PRKAR2A: variants seen among roughly 807,000 people sequenced by gnomAD.
PRKAR2A encodes protein kinase cAMP-dependent type II regulatory subunit alpha.
A neutral mutation model predicts 51.9 loss-of-function variants in PRKAR2A; 29 were observed. That is an observed-to-expected ratio of 0.56 (90% confidence interval 0.42 to 0.76). The LOEUF (loss-of-function observed/expected upper bound fraction) is 0.76. Among genes scored for constraint, PRKAR2A ranks in the 30% least tolerant of loss-of-function variants. The pLI, the probability that PRKAR2A is intolerant of heterozygous loss-of-function variation, is 0.00. For synonymous variants in PRKAR2A, 178 were observed against 186.2 expected (o/e 0.96, Z 0.36); for missense variants, 445 against 512.1 (o/e 0.87, Z 1.26).
intron 1 of PRKAR2A, among the ~76,000 whole-genome samples, chr3:48,817,598 G>T (rs551367181): frequency 1.4e-4 from 21 of 151,264 alleles, no homozygotes; most frequent in Non-Finnish European, 2.9e-4. Context: ...AGTGAGCCAA[G>T]GTCGCACCAT....
In PRKAR2A at chr3:48,790,572, T is replaced by C. The variant is rs779101322; in HGVS notation, c.407A>G (p.Asp136Gly). 5 of 1,548,464 alleles carry C rather than the reference T, an allele frequency of 3.2e-6. No individual in the cohort carries two copies. Among genetic ancestry groups the C allele is most frequent in the Non-Finnish European group, 4.3e-6 (5 of 1,150,374 alleles). The change falls in exon 4 of 11, where the codon GAT (aspartate) becomes GGT (glycine). Residue 136 changes from aspartate (D) to glycine (G), a missense_variant. Physicochemically the swap from Asp to Gly is moderately conservative, Grantham distance 94. Coordinates refer to ENST00000265563, the MANE Select transcript of PRKAR2A (RefSeq NM_004157.4). ...QRCRLQEACKDILLFKNLDQE... is the reference protein window; with the variant it reads ...QRCRLQEACKGILLFKNLDQE... ...ATCAAGATTTTTGAAAAGGAGAATA[T>C]CTTTGCAAGCTTCCTGAAGTCTGCA...
chr3:48,772,944 CTCTCACTCACCAG>C lies in PRKAR2A; in HGVS notation c.694_696+10del. 6.2e-7 allele frequency: 1 copy of C among 1,607,194 alleles called. No homozygotes were observed. Among genetic ancestry groups the C allele is most frequent in the Non-Finnish European group, 8.5e-7 (1 of 1,176,476 alleles). On this transcript the variant is annotated splice_donor_variant and splice_donor_5th_base_variant and coding_sequence_variant and intron_variant, in exon 6 of 11. Transcript: ENST00000265563. LOFTEE classifies it high-confidence loss of function. ...CTGTGCCTTGCAAGGGGAACGATTT[CTCTCACTCACCAG>C]TCCCCAAAGGGAGCCTTCTGAGGTA...
At chr3:48,834,231 A>C (rs9755490) in intron 1 of PRKAR2A, among the ~76,000 whole-genome samples, 102,297 of 151,410 alleles carry the variant, frequency 0.68, 35,106 homozygotes, top group East Asian at 0.96. Context: ...TACGGAGCAG[A>C]AATCCCATAT....
At chr3:48,787,034 CAAGTA>C in intron 4 of PRKAR2A, among the ~76,000 whole-genome samples, 1 of 152,064 alleles carries the variant, frequency 6.6e-6, no homozygotes, top group Non-Finnish European at 1.5e-5. Context: ...TTATGAAAGA[CAAGTA>C]AAGACTGAAA....
chr3:48,782,105 A>T (rs1022965667), intron 5 of PRKAR2A, among the ~76,000 whole-genome samples: 1 of 152,068 alleles, frequency 6.6e-6, no homozygotes, highest in African/African-American at 2.4e-5. Context: ...TTGGTGTTAA[A>T]CTCTAGTGAG....
chr3:48,775,296 G>A (rs1278511840), intron 5 of PRKAR2A, among the ~76,000 whole-genome samples: 1 of 151,648 alleles, frequency 6.6e-6, no homozygotes, highest in African/African-American at 2.4e-5. Context: ...AAAATTAGCT[G>A]GGCGGGTAGC....
chr3:48,770,203 A>T (rs1466134290), intron 6 of PRKAR2A, among the ~76,000 whole-genome samples: 1 of 152,186 alleles, frequency 6.6e-6, no homozygotes, highest in African/African-American at 2.4e-5. Flanking sequence ...TTTGATGAGC[A>T]TCCAATCGAG....
intron 1 of PRKAR2A, among the ~76,000 whole-genome samples, chr3:48,818,798 A>G (rs574097993): frequency 9.2e-5 from 14 of 152,258 alleles, no homozygotes; most frequent in Admixed American, 5.9e-4. Flanking sequence ...TCACAAATTC[A>G]ATAAGGGTAG....
At chr3:48,813,905 C>T (rs1293877670) in intron 1 of PRKAR2A, among the ~76,000 whole-genome samples, 2 of 151,972 alleles carry the variant, frequency 1.3e-5, no homozygotes, top group Admixed American at 1.3e-4. Flanking sequence ...GGGTGGATCA[C>T]CTGAGGTCAG....
At chr3:48,819,961 AAC>A (rs1242445248) in intron 1 of PRKAR2A, among the ~76,000 whole-genome samples, 1 of 152,194 alleles carries the variant, frequency 6.6e-6, no homozygotes, top group Non-Finnish European at 1.5e-5. Flanking sequence ...CTTCACTCCC[AAC>A]TCTGCCTACT....
chr3:48,796,688 C>G (rs1171665212), intron 2 of PRKAR2A, among the ~76,000 whole-genome samples: 2 of 101,874 alleles, frequency 2.0e-5, no homozygotes, highest in Admixed American at 1.1e-4. Context: ...TTTTTTTTTG[C>G]CATGTTGGCC....
chr3:48,818,749 A>T (rs2082912188), intron 1 of PRKAR2A, among the ~76,000 whole-genome samples: 2 of 152,158 alleles, frequency 1.3e-5, no homozygotes, highest in South Asian at 2.1e-4. Flanking sequence ...TCTCAAAAAA[A>T]AGAAAAGAGA....
chr3:48,823,647 A>G (rs1235993439), intron 1 of PRKAR2A, among the ~76,000 whole-genome samples: 2 of 151,756 alleles, frequency 1.3e-5, no homozygotes, highest in African/African-American at 2.4e-5. Context: ...TTAGCTGGGT[A>G]TGGTGGCGCA....
chr3:48,816,382 G>A (rs1471750283), intron 1 of PRKAR2A, among the ~76,000 whole-genome samples: 5 of 152,050 alleles, frequency 3.3e-5, no homozygotes, highest in East Asian at 1.9e-4. Context: ...AGCACATGGC[G>A]GATTAAAATT....
chr3:48,802,197 C>T (rs1022352445), intron 2 of PRKAR2A, among the ~76,000 whole-genome samples: 7 of 152,088 alleles, frequency 4.6e-5, no homozygotes, highest in African/African-American at 1.4e-4. Flanking sequence ...TGTGAGCCAC[C>T]GCACCTGGCC....
In PRKAR2A at chr3:48,786,137, T is replaced by C. The variant is rs561428501; in HGVS notation, c.436-3045A>G. ...TTTTTGGTTTTTTTTTGTTTTTTTT[T>C]TTTTTGAGACAGAGTCTCGCTCTGT... On this transcript the variant is annotated intron_variant, in intron 4 of 10. Coordinates refer to ENST00000265563, the MANE Select transcript of PRKAR2A (RefSeq NM_004157.4). Among the ~76,000 whole-genome samples, 16 of 150,498 alleles carry C rather than the reference T, an allele frequency of 1.1e-4. 1 individual carries two copies. The South Asian group carries it at 2.1e-3, about 20-fold the overall frequency.
intron 3 of PRKAR2A, among the ~76,000 whole-genome samples, chr3:48,792,793 T>C (rs2082412516): frequency 6.6e-6 from 1 of 151,972 alleles, no homozygotes. Context: ...TGATAGCTCA[T>C]ATATGCCCTC....
chr3:48,778,413 T>C (rs1289499515), intron 5 of PRKAR2A, among the ~76,000 whole-genome samples: 2 of 151,704 alleles, frequency 1.3e-5, no homozygotes, highest in East Asian at 1.9e-4. Context: ...ACTCAACCTC[T>C]TGGGCTCAAG....
chr3:48,759,988 T>G (rs936308757), intron 8 of PRKAR2A, among the ~76,000 whole-genome samples: 10 of 152,244 alleles, frequency 6.6e-5, no homozygotes, highest in Admixed American at 5.9e-4. Context: ...ACCTTCTGTC[T>G]ACATTACTCT....
Sources: allele counts gnomAD v4.1 joint callset (sites outside exome capture counted in the v4.1 genomes callset), GRCh38; gene constraint gnomAD v4.1.1; transcripts MANE v1.5; gene names NCBI Gene and HGNC (gene_info 2026-07-23, HGNC 2026-07-21).